Variants in ETAA1 observed in about 807,000 individuals in gnomAD.
ETAA1 encodes ewing's tumor-associated antigen 1.
Under a neutral mutation model 76.8 loss-of-function variants are expected in ETAA1, and 49 were observed. The observed-to-expected ratio is 0.64, with a 90% CI of 0.51 to 0.81. The LOEUF is 0.81. Ranked by LOEUF, ETAA1 falls within the 30% of genes least tolerant of loss-of-function variation. The pLI is 0.00. For missense variants in ETAA1, 1,099 were observed against 1,074.0 expected (o/e 1.02, Z -0.32); for synonymous variants, 373 against 372.2 (o/e 1.00, Z -0.03).
At chr2:67,400,614 C>CT (rs1676028229) in intron 3 of ETAA1, 1 of 152,138 alleles carries the variant, frequency 6.6e-6, no homozygotes, top group African/African-American at 2.4e-5. Context: ...AACTTCTTTA[C>CT]TTTTTGTTCT....
In ETAA1 at chr2:67,411,802, A is replaced by C. The variant is rs977325763; in HGVS notation, c.*1764A>C. On this transcript the variant is annotated 3_prime_UTR_variant, in exon 6 of 6. Coordinates refer to ENST00000272342, the MANE Select transcript of ETAA1 (RefSeq NM_019002.4). Reference sequence around the variant, plus strand: ...ACCTAGATAAATGCAAGTAGTTTCTATGTACAAAAATAAAGAGCTGAGAAT... The same window carrying C: ...ACCTAGATAAATGCAAGTAGTTTCTCTGTACAAAAATAAAGAGCTGAGAAT... 1.3e-5 allele frequency: 2 copies of C among 152,108 alleles called. No homozygotes were observed. Among genetic ancestry groups the C allele is most frequent in the East Asian group, 3.9e-4 (2 of 5,160 alleles). The allele number at this position is 152,108 out of a possible 1,614,324, so 9.4% of individuals were successfully genotyped here. A position where few individuals can be genotyped will look rare whatever the true frequency, so the allele number is the denominator to read the frequency against.
In ETAA1 at chr2:67,410,053, G is replaced by C; in HGVS notation, c.*15G>C. 4 of 1,595,888 alleles carry C rather than the reference G, an allele frequency of 2.5e-6. No homozygotes were observed. Among genetic ancestry groups the C allele is most frequent in the Non-Finnish European group, 3.4e-6 (4 of 1,174,824 alleles). ...CATTTCTTTAATGAAATATTAGTTG[G>C]AAGACTTCACGAAGACTGCTGATAA... On this transcript the variant is annotated 3_prime_UTR_variant, in exon 6 of 6. Coordinates refer to ENST00000272342, the MANE Select transcript of ETAA1 (RefSeq NM_019002.4).
intron 3 of ETAA1, chr2:67,401,535 C>G (rs1393328883): frequency 6.6e-6 from 1 of 151,796 alleles, no homozygotes; most frequent in South Asian, 2.1e-4. Context: ...ATACCTTATA[C>G]AGCACCTGGA....
At position 67,403,996 on chromosome 2, in the gene ETAA1, A is replaced by T. The variant is rs1039689160; in HGVS notation, c.1314A>T (p.Leu438Phe). 2 of 1,608,788 alleles carry T rather than the reference A, an allele frequency of 1.2e-6. No homozygotes were observed. Among genetic ancestry groups the T allele is most frequent in the East Asian group, 4.5e-5 (2 of 44,798 alleles). Residue 438 changes from leucine to phenylalanine, a missense_variant, in exon 5 of 6, where the codon TTA becomes TTT. Leu to Phe is a conservative substitution (Grantham distance 22). Transcript: ENST00000272342. The part of the protein sequence containing the change: ...SRANTSPDAR[L>F]GDSKVLQDLS... The stretch of plus-strand genomic sequence containing the variant: ...CAAATACAAGTCCAGATGCCAGGTT[A>T]GGAGATTCAAAAGTATTACAAGATC...
chr2:67,400,276 T>C (rs940872822), intron 3 of ETAA1: 1 of 152,166 alleles, frequency 6.6e-6, no homozygotes. Flanking sequence ...GCTATAATTG[T>C]AAGGTTACGT....
chr2:67,399,282 T>G lies in ETAA1; in HGVS notation c.337T>G (p.Leu113Val), dbSNP rs570885483. 1 of 1,610,202 alleles carries G rather than the reference T, an allele frequency of 6.2e-7. No individual in the cohort carries two copies. The highest frequency in any genetic ancestry group is 1.3e-5 in the African/African-American group (1 of 74,890). Reference sequence around the variant, plus strand: ...TATCTTTTGGGATCAGAATTCTCCATTGACAAAGCAGTTAGGTAATTAATT... The same window carrying G: ...TATCTTTTGGGATCAGAATTCTCCAGTGACAAAGCAGTTAGGTAATTAATT... ...NDIFWDQNSP[L>V]TKQLGKGRKK... Residue 113 changes from leucine to valine, a missense_variant, in exon 2 of 6, where the codon TTG becomes GTG. Leu to Val is a conservative substitution (Grantham distance 32). Coordinates refer to ENST00000272342, the MANE Select transcript of ETAA1 (RefSeq NM_019002.4).
intron 5 of ETAA1, among the ~76,000 whole-genome samples, chr2:67,405,574 A>G (rs778425817): frequency 2.6e-5 from 4 of 152,024 alleles, no homozygotes; most frequent in Non-Finnish European, 5.9e-5. Flanking sequence ...ACTTAATACA[A>G]TGACTGGCAT....
Position 67,410,332 on chromosome 2 carries a change from CA to C in ETAA1, c.*295del. On this transcript the variant is annotated 3_prime_UTR_variant, in exon 6 of 6. Transcript: ENST00000272342. ...TTTAAATGCTATTATTGCAGAGGAT[CA>C]TCAAAAAAGAGGTAATCTACGTTAT... 4.5e-6 allele frequency: 1 copy of C among 220,254 alleles called. No homozygotes were observed. The highest frequency in any genetic ancestry group is 8.8e-6 in the Non-Finnish European group (1 of 113,602). 13.6% of individuals were successfully genotyped at this position (220,254 alleles called of 1,614,324 possible).
chr2:67,397,359 G>A lies in ETAA1; in HGVS notation c.-90G>A. ...CCGACCAAAATGGCGGCTGCCGTTG[G>A]TGCGGGGTGCGGTTTGTAGTGCTGT... On this transcript the variant is annotated 5_prime_UTR_variant, in exon 1 of 6. In the 5' UTR this introduces an upstream ATG that the reference lacks. Coordinates refer to ENST00000272342, the MANE Select transcript of ETAA1 (RefSeq NM_019002.4). 7.3e-7 allele frequency: 1 copy of A among 1,365,842 alleles called. No individual in the cohort carries two copies. Among genetic ancestry groups the A allele is most frequent in the Non-Finnish European group, 1.0e-6 (1 of 980,500 alleles). 84.6% of individuals were successfully genotyped at this position (1,365,842 alleles called of 1,614,324 possible).
At chr2:67,405,482 A>G (rs1167832304) in intron 5 of ETAA1, 147 bp downstream of exon 5, 7 of 594,744 alleles carry the variant, frequency 1.2e-5, no homozygotes, top group African/African-American at 3.7e-5. Context: ...AATTCTTAAA[A>G]TGATACTTGG....
At chr2:67,408,313 T>A (rs1379737639) in intron 5 of ETAA1, among the ~76,000 whole-genome samples, 1 of 152,146 alleles carries the variant, frequency 6.6e-6, no homozygotes, top group African/African-American at 2.4e-5. Flanking sequence ...GATTTTTACA[T>A]TTTAAATGGT....
At chr2:67,401,059 A>G (rs1676042686) in intron 3 of ETAA1, 1 of 152,144 alleles carries the variant, frequency 6.6e-6, no homozygotes, top group Admixed American at 6.5e-5. Flanking sequence ...CAGTCTAAAT[A>G]GTGATAAAAA....
In ETAA1 at chr2:67,397,369, C is replaced by G; in HGVS notation, c.-80C>G. On this transcript the variant is annotated 5_prime_UTR_variant, in exon 1 of 6. Coordinates refer to ENST00000272342, the MANE Select transcript of ETAA1 (RefSeq NM_019002.4). The stretch of plus-strand genomic sequence containing the variant: ...TGGCGGCTGCCGTTGGTGCGGGGTG[C>G]GGTTTGTAGTGCTGTTGCCCTACTC... The G allele has an allele frequency of 2.1e-6, 3 of 1,406,630 alleles. No homozygotes were observed. Among genetic ancestry groups the G allele is most frequent in the Middle Eastern group, 3.9e-4 (2 of 5,164 alleles). 87.1% of individuals were successfully genotyped at this position (1,406,630 alleles called of 1,614,324 possible).
rs763065996 is a variant in ETAA1 at position 67,403,342 on chromosome 2, G to A, written c.660G>A (p.Gln220=). The part of the protein sequence containing the change: ...EQNKRNYDFT[Q]MISETEILSN... ...ACAAGAGGAATTATGATTTTACCCA[G>A]ATGATTTCAGAAACAGAGATTTTAA... Residue 220 remains glutamine (Q), a synonymous_variant, in exon 5 of 6, where the codon CAG becomes CAA. Transcript: ENST00000272342. 1.1e-5 allele frequency: 17 copies of A among 1,605,570 alleles called. No homozygotes were observed. The highest frequency in any genetic ancestry group is 1.3e-5 in the Non-Finnish European group (15 of 1,173,342).
intron 1 of ETAA1, among the ~76,000 whole-genome samples, chr2:67,398,806 T>A (rs1312458542): frequency 6.6e-6 from 1 of 152,178 alleles, no homozygotes; most frequent in Non-Finnish European, 1.5e-5. Flanking sequence ...TAAACATATT[T>A]AGGTTTCTGT....
At position 67,411,269 on chromosome 2, in the gene ETAA1, G is replaced by A. The variant is rs943067143; in HGVS notation, c.*1231G>A. 1 of 151,920 alleles carries A rather than the reference G, an allele frequency of 6.6e-6. No individual in the cohort carries two copies. Among genetic ancestry groups the A allele is most frequent in the African/African-American group, 2.4e-5 (1 of 41,376 alleles). The allele number at this position is 151,920 out of a possible 1,614,324, so 9.4% of individuals were successfully genotyped here. A position where few individuals can be genotyped will look rare whatever the true frequency, so the allele number is the denominator to read the frequency against. On this transcript the variant is annotated 3_prime_UTR_variant, in exon 6 of 6. Transcript: ENST00000272342. ...AGATATGAAACACCTGTCATGGTGT[G>A]GCATTTATCACTATCAAGTGTCTCA...
At chr2:67,398,095 TAA>T (rs1675937192) in intron 1 of ETAA1, among the ~76,000 whole-genome samples, 2 of 152,264 alleles carry the variant, frequency 1.3e-5, no homozygotes, top group South Asian at 4.1e-4. Context: ...TAGGAAAAGT[TAA>T]AGTTTGTCTC....
chr2:67,398,064 C>T (rs1675936473), intron 1 of ETAA1, among the ~76,000 whole-genome samples: 1 of 152,068 alleles, frequency 6.6e-6, no homozygotes, highest in South Asian at 2.1e-4. Context: ...TTCCCTGTGA[C>T]CTGCTTTAGA....
chr2:67,407,886 A>T (rs1676261715), intron 5 of ETAA1, among the ~76,000 whole-genome samples: 1 of 152,050 alleles, frequency 6.6e-6, no homozygotes. Flanking sequence ...TGTCAGATGC[A>T]GAAAACAACC....
Sources: allele counts gnomAD v4.1 joint callset (sites outside exome capture counted in the v4.1 genomes callset), GRCh38; gene constraint gnomAD v4.1.1; transcripts MANE v1.5; gene names NCBI Gene and HGNC (gene_info 2026-07-23, HGNC 2026-07-21).